The following PRKG1 variants were observed in gnomAD, a reference collection of about 807,000 sequenced individuals.
PRKG1 encodes the protein cGMP-dependent protein kinase 1.
Under a neutral mutation model 88.1 loss-of-function variants are expected in PRKG1, and 35 were observed. The ratio of observed to expected loss-of-function variants is 0.40; its 90% confidence interval spans 0.30 to 0.53. The LOEUF (loss-of-function observed/expected upper bound fraction) is 0.53, where lower values mean the gene tolerates loss of function less well. PRKG1 is among the 20% of genes least tolerant of loss of function. The pLI, the probability that PRKG1 is intolerant of heterozygous loss-of-function variation, is 0.59. For missense variants in PRKG1, 540 were observed against 839.8 expected, an observed-to-expected ratio of 0.64 and a Z score of 4.41; for synonymous variants, 303 against 292.5, an observed-to-expected ratio of 1.04 and a Z score of -0.37.
Position 51,458,790 on chromosome 10 carries a change from A to G in PRKG1, c.479-8933A>G, listed in dbSNP as rs555649131. ...ACAGTACAGTTGTCCCTTGAACAAC[A>G]CAGGATTGAGCTTCACGGGTCTACT... is the stretch of plus-strand genomic sequence containing the variant. On this transcript the variant is annotated intron_variant, in intron 2 of 17. Transcript: ENST00000373980. 3.3e-5 allele frequency among the ~76,000 whole-genome samples: 5 copies of G among 152,296 alleles called. No homozygotes were observed. The East Asian group carries it at 9.7e-4, about 29-fold the overall frequency.
At chr10:51,400,990 CTG>C (rs1837723635) in intron 2 of PRKG1, among the ~76,000 whole-genome samples, 1 of 152,196 alleles carries the variant, frequency 6.6e-6, no homozygotes, top group African/African-American at 2.4e-5. Context: ...ATAAAAATAT[CTG>C]TGAAGTAAGC....
intron 10 of PRKG1, among the ~76,000 whole-genome samples, chr10:52,268,428 C>T (rs1403217310): frequency 6.6e-6 from 1 of 151,976 alleles, no homozygotes; most frequent in African/African-American, 2.4e-5. Context: ...TTCAAGCAAT[C>T]GGGTATCTCA....
chr10:52,095,684 C>T (rs778497246), intron 7 of PRKG1, among the ~76,000 whole-genome samples: 29 of 152,134 alleles, frequency 1.9e-4, no homozygotes, highest in Non-Finnish European at 2.4e-4. Flanking sequence ...ATGAAATCTA[C>T]AGCCCCATCA....
chr10:52,200,276 G>A (rs1471217886), intron 9 of PRKG1, among the ~76,000 whole-genome samples: 4 of 152,052 alleles, frequency 2.6e-5, no homozygotes, highest in African/African-American at 7.2e-5. Flanking sequence ...TATACTTGGT[G>A]TTTAGCTGCT....
chr10:52,209,051 T>C lies in PRKG1; in HGVS notation c.1077-42519T>C, dbSNP rs574769322. ...TGATTTCAGCACATTTCTAACTATA[T>C]TATATTTGGGTAAAATCCTAACTAA... On this transcript the variant is annotated intron_variant, in intron 9 of 17. Coordinates refer to ENST00000373980, the MANE Select transcript of PRKG1 (RefSeq NM_006258.4). Among the ~76,000 whole-genome samples, 6 of 152,332 alleles carry C rather than the reference T, an allele frequency of 3.9e-5. No homozygotes were observed. In the East Asian group the frequency reaches 9.6e-4, roughly 24 times the overall value.
intron 3 of PRKG1, among the ~76,000 whole-genome samples, chr10:51,525,514 T>C (rs187569812): frequency 2.2e-4 from 33 of 152,140 alleles, no homozygotes; most frequent in African/African-American, 7.7e-4. Context: ...CTGACTAACA[T>C]GGTGAAACCT....
At chr10:52,286,354 T>C (rs985722435) in intron 14 of PRKG1, among the ~76,000 whole-genome samples, 14 of 152,020 alleles carry the variant, frequency 9.2e-5, no homozygotes, top group Non-Finnish European at 1.3e-4. Context: ...TAAGTTCTTC[T>C]TCAAATTCAA....
intron 3 of PRKG1, among the ~76,000 whole-genome samples, chr10:51,529,431 C>T (rs1841960589): frequency 6.6e-6 from 1 of 152,186 alleles, no homozygotes; most frequent in African/African-American, 2.4e-5. Flanking sequence ...ATACACACTC[C>T]TGAATTTTAC....
At chr10:52,167,803 C>T (rs948943313) in intron 9 of PRKG1, among the ~76,000 whole-genome samples, 1 of 152,124 alleles carries the variant, frequency 6.6e-6, no homozygotes, top group African/African-American at 2.4e-5. Flanking sequence ...GGGATTCATA[C>T]CTAAGCCCTT....
rs781103618 is a variant in PRKG1 at position 51,549,998 on chromosome 10, T to G, written c.592+82162T>G. Reference sequence around the variant, plus strand: ...CAGTCACAGAATTCCGTGGCCAGGCTTATTTGAAATCAAGACAGTGTTTAC... The same window carrying G: ...CAGTCACAGAATTCCGTGGCCAGGCGTATTTGAAATCAAGACAGTGTTTAC... On this transcript the variant is annotated intron_variant, in intron 3 of 17. Coordinates refer to ENST00000373980, the MANE Select transcript of PRKG1 (RefSeq NM_006258.4). 2.0e-5 allele frequency among the ~76,000 whole-genome samples: 3 copies of G among 152,114 alleles called. No homozygotes were observed. In the South Asian group the frequency reaches 6.2e-4, roughly 31 times the overall value.
chr10:51,059,505 T>C (rs1843670921), intron 1 of PRKG1, among the ~76,000 whole-genome samples: 1 of 152,130 alleles, frequency 6.6e-6, no homozygotes. Flanking sequence ...CAAGTGATCC[T>C]CCTGCCTCAG....
At chr10:51,431,070 G>T (rs1838755704) in intron 2 of PRKG1, among the ~76,000 whole-genome samples, 1 of 152,096 alleles carries the variant, frequency 6.6e-6, no homozygotes, top group South Asian at 2.1e-4. Flanking sequence ...AAATTTTATT[G>T]TATGTAAAAT....
intron 1 of PRKG1, among the ~76,000 whole-genome samples, chr10:51,030,212 A>C (rs765797885): frequency 6.6e-6 from 1 of 151,950 alleles, no homozygotes; most frequent in African/African-American, 2.4e-5. Context: ...GTTTTTTTTC[A>C]TAATAAGCCT....
intron 2 of PRKG1, among the ~76,000 whole-genome samples, chr10:51,325,904 T>A (rs1187593724): frequency 6.6e-6 from 1 of 152,136 alleles, no homozygotes; most frequent in Non-Finnish European, 1.5e-5. Context: ...CTGGGAGACA[T>A]GCACCAGCCT....
chr10:51,741,463 T>G (rs1240293783), intron 3 of PRKG1, among the ~76,000 whole-genome samples: 1 of 152,178 alleles, frequency 6.6e-6, no homozygotes, highest in Admixed American at 6.5e-5. Flanking sequence ...CAATTCAATT[T>G]CTAGTTAAAT....
In PRKG1 at chr10:51,671,468, G is replaced by A. The variant is rs192639828; in HGVS notation, c.593-133117G>A. Among the ~76,000 whole-genome samples, 175 of 152,178 alleles carry A rather than the reference G, an allele frequency of 1.1e-3. 1 individual carries two copies. The highest frequency in any genetic ancestry group is 1.8e-3 in the Non-Finnish European group (125 of 68,014). ...ACTCTGTCCTAGTTTCTTTTTGCCA[G>A]CAATCCTTTACCTTTCTTGGCTTGT... is the stretch of plus-strand genomic sequence containing the variant. On this transcript the variant is annotated intron_variant, in intron 3 of 17. Coordinates refer to ENST00000373980, the MANE Select transcript of PRKG1 (RefSeq NM_006258.4).
intron 1 of PRKG1, among the ~76,000 whole-genome samples, chr10:51,040,028 C>T (rs1297940480): frequency 6.6e-6 from 1 of 152,000 alleles, no homozygotes; most frequent in Non-Finnish European, 1.5e-5. Context: ...CAATTTTGTT[C>T]TTCTTGCTTA....
intron 3 of PRKG1, among the ~76,000 whole-genome samples, chr10:51,493,134 C>G (rs751199536): frequency 6.6e-6 from 1 of 152,062 alleles, no homozygotes; most frequent in Admixed American, 6.6e-5. Flanking sequence ...GGTCATTACC[C>G]TGATCTTATT....
intron 3 of PRKG1, among the ~76,000 whole-genome samples, chr10:51,725,630 T>TTC (rs1842112923): frequency 6.7e-6 from 1 of 149,328 alleles, no homozygotes; most frequent in African/African-American, 2.5e-5. Context: ...TTTCTTTTCT[T>TTC]TTTTTTTTTT....
Sources: allele counts gnomAD v4.1 joint callset (sites outside exome capture counted in the v4.1 genomes callset), GRCh38; gene constraint gnomAD v4.1.1; transcripts MANE v1.5; gene names NCBI Gene and HGNC (gene_info 2026-07-23, HGNC 2026-07-21).